ZDHHC23: variants seen among roughly 807,000 people sequenced by gnomAD.
ZDHHC23 encodes the protein palmitoyltransferase ZDHHC23.
A neutral mutation model predicts 40.2 loss-of-function variants in ZDHHC23; 41 were observed. The observed-to-expected ratio is 1.02, with a 90% confidence interval of 0.79 to 1.32. The LOEUF is 1.32. Among genes scored for constraint, ZDHHC23 ranks in the 40% most tolerant of loss-of-function variants. ZDHHC23 has a pLI of 0.00. For synonymous variants in ZDHHC23, 204 were observed against 210.2 expected (o/e 0.97, Z 0.26); for missense variants, 471 against 541.5 (o/e 0.87, Z 1.29).
At chr3:113,975,411 T>G in the ZDHHC23 span, among the ~76,000 whole-genome samples, 1 of 152,218 alleles carries the variant, frequency 6.6e-6, no homozygotes, top group Non-Finnish European at 1.5e-5. Context: ...GAATATCAAT[T>G]TTTTAATGTT....
the ZDHHC23 span, among the ~76,000 whole-genome samples, chr3:113,974,001 T>C: frequency 6.6e-6 from 1 of 151,842 alleles, no homozygotes; most frequent in South Asian, 2.1e-4. Context: ...TCTGATAGCA[T>C]ATTTTCAAGT....
intron 1 of ZDHHC23, 167 bp from the exon 2 acceptor site, chr3:113,948,519 A>C: frequency 2.9e-6 from 1 of 344,362 alleles, no homozygotes; most frequent in Non-Finnish European, 5.4e-6. Context: ...CTGTCGCCAT[A>C]GGAACGGCTG....
rs76844599 is a variant in ZDHHC23 at position 113,956,093 on chromosome 3, T to C, written c.873-246T>C. 7.2e-3 allele frequency among the ~76,000 whole-genome samples: 1,097 copies of C among 152,176 alleles called. 13 individuals carry two copies. The highest frequency in any genetic ancestry group is 0.026 in the African/African-American group (1,063 of 41,530). On this transcript the variant is annotated intron_variant, in intron 3 of 4. Coordinates refer to ENST00000638807, the MANE Select transcript of ZDHHC23 (RefSeq NM_001320466.2). Reference sequence around the variant, plus strand: ...CCCATCTCTACTCAAAATACACAAATTAGCTGGGCATGGTGGCATGTGCCT... The same window carrying C: ...CCCATCTCTACTCAAAATACACAAACTAGCTGGGCATGGTGGCATGTGCCT...
rs1004466445 is a variant in ZDHHC23, at chr3:113,960,317, C to G, written c.*1687C>G. ...TGGTTTGTTTAACGAATGATAGGCT[C>G]TGTGCCTGGGGATGTTAGCAGACTC... is the stretch of plus-strand genomic sequence containing the variant. On this transcript the variant is annotated 3_prime_UTR_variant, in exon 5 of 5. Coordinates refer to ENST00000638807, the MANE Select transcript of ZDHHC23 (RefSeq NM_001320466.2). 58 of 1,051,552 alleles carry G rather than the reference C, an allele frequency of 5.5e-5. No individual in the cohort carries two copies. The African/African-American group carries it at 7.6e-4, about 14-fold the overall frequency. The allele number at this position is 1,051,552 out of a possible 1,614,324, so 65.1% of individuals were successfully genotyped here.
downstream of ZDHHC23, among the ~76,000 whole-genome samples, chr3:113,969,649 G>A (rs557849206): frequency 1.3e-5 from 2 of 152,240 alleles, no homozygotes; most frequent in African/African-American, 4.8e-5. Context: ...TCAAAGATGA[G>A]TTGGTTGTAA....
At position 113,960,240 on chromosome 3, in the gene ZDHHC23, C is replaced by T; in HGVS notation, c.*1610C>T. ...ACTGTTGCCATTAATTGGAGCTGTC[C>T]TTAAGATGGTCACCATATTCTTATT... is the stretch of plus-strand genomic sequence containing the variant. On this transcript the variant is annotated 3_prime_UTR_variant, in exon 5 of 5. Transcript: ENST00000638807. 1 of 1,006,026 alleles carries T rather than the reference C, an allele frequency of 9.9e-7. No individual in the cohort carries two copies. The highest frequency in any genetic ancestry group is 1.2e-6 in the Non-Finnish European group (1 of 843,034). The allele number at this position is 1,006,026 out of a possible 1,614,324, so 62.3% of individuals were successfully genotyped here.
chr3:113,956,551 G>C (rs372171615), intron 4 of ZDHHC23, 45 bp downstream of exon 4: 144 of 1,561,322 alleles, frequency 9.2e-5, no homozygotes, highest in Middle Eastern at 5.1e-4. Flanking sequence ...GGGAAGTAAT[G>C]GGTGTTGCCA....
rs1323615359 is a variant in ZDHHC23 at position 113,960,471 on chromosome 3, G to A, written c.*1841G>A. On this transcript the variant is annotated 3_prime_UTR_variant, in exon 5 of 5. Coordinates refer to ENST00000638807, the MANE Select transcript of ZDHHC23 (RefSeq NM_001320466.2). ...ATAAGAGAGACAGTAATAATGTCAA[G>A]GATAGCCTGTGTGGGCAGAAATTGG... The A allele has an allele frequency of 7.2e-7, 1 of 1,391,668 alleles. No homozygotes were observed. Among genetic ancestry groups the A allele is most frequent in the Non-Finnish European group, 9.3e-7 (1 of 1,080,478 alleles). 86.2% of individuals were successfully genotyped at this position (1,391,668 alleles called of 1,614,324 possible). A position where few individuals can be genotyped will look rare whatever the true frequency, so the allele number is the denominator to read the frequency against.
downstream of ZDHHC23, among the ~76,000 whole-genome samples, chr3:113,970,206 T>C (rs558373020): frequency 3.9e-5 from 6 of 152,234 alleles, no homozygotes; most frequent in South Asian, 1.2e-3. Flanking sequence ...TTTTGTATGC[T>C]GCAACTTTAC....
the ZDHHC23 span, among the ~76,000 whole-genome samples, chr3:113,976,249 A>G: frequency 6.6e-6 from 1 of 151,856 alleles, no homozygotes; most frequent in Non-Finnish European, 1.5e-5. Context: ...ACAGAGTAAG[A>G]CTTTGTCTCA....
At position 113,959,623 on chromosome 3, in the gene ZDHHC23, C is replaced by T. The variant is rs1029831584; in HGVS notation, c.*993C>T. 9.3e-6 allele frequency: 11 copies of T among 1,184,832 alleles called. No homozygotes were observed. Among genetic ancestry groups the T allele is most frequent in the African/African-American group, 7.8e-5 (5 of 64,506 alleles). The allele number at this position is 1,184,832 out of a possible 1,614,324, so 73.4% of individuals were successfully genotyped here. A position where few individuals can be genotyped will look rare whatever the true frequency, so the allele number is the denominator to read the frequency against. On this transcript the variant is annotated 3_prime_UTR_variant, in exon 5 of 5. Coordinates refer to ENST00000638807, the MANE Select transcript of ZDHHC23 (RefSeq NM_001320466.2). The stretch of plus-strand genomic sequence containing the variant: ...CTGGTAGGAAGGCTGAGTAACATCA[C>T]GGGCTCGATTATTTTCTTCATGTAT...
At chr3:113,950,336 C>T (rs1938541875) in intron 2 of ZDHHC23, among the ~76,000 whole-genome samples, 1 of 152,226 alleles carries the variant, frequency 6.6e-6, no homozygotes, top group Non-Finnish European at 1.5e-5. Flanking sequence ...ACATCTATTG[C>T]TCACAGTTCT....
Position 113,954,127 on chromosome 3 carries a change from A to C in ZDHHC23, c.589A>C (p.Asn197His). Residue 197 changes from asparagine to histidine, a missense_variant, in exon 3 of 5, where the codon AAT becomes CAT. Physicochemically the swap from Asn to His is moderately conservative, Grantham distance 68 (BLOSUM62 1). This residue lies in a region of ZDHHC23 where 346 missense variants were observed against 399.8 expected (regional missense o/e 0.87). Transcript: ENST00000638807. ...RAKKNPGYLS[N>H]PASGDRSLSS... Reference sequence around the variant, plus strand: ...CAAGAAGAATCCAGGCTACCTCAGCAATCCAGCAAGCGGTGACAGATCTCT... The same window carrying C: ...CAAGAAGAATCCAGGCTACCTCAGCCATCCAGCAAGCGGTGACAGATCTCT... The C allele has an allele frequency of 6.2e-7, 1 of 1,614,232 alleles. No individual in the cohort carries two copies. The highest frequency in any genetic ancestry group is 8.5e-7 in the Non-Finnish European group (1 of 1,180,034).
chr3:113,967,973 C>T (rs755054561), downstream of ZDHHC23, among the ~76,000 whole-genome samples: 1 of 152,152 alleles, frequency 6.6e-6, no homozygotes, highest in Non-Finnish European at 1.5e-5. Context: ...GGATTTCATT[C>T]TTTTTCATTA....
chr3:113,959,260 A>G lies in ZDHHC23; in HGVS notation c.*630A>G. 1 of 1,084,032 alleles carries G rather than the reference A, an allele frequency of 9.2e-7. No individual in the cohort carries two copies. The highest frequency in any genetic ancestry group is 2.7e-5 in the South Asian group (1 of 37,076). The allele number at this position is 1,084,032 out of a possible 1,614,324, so 67.2% of individuals were successfully genotyped here. A position where few individuals can be genotyped will look rare whatever the true frequency, so the allele number is the denominator to read the frequency against. ...CAGTTTTCAGCATATACCTTGTTGT[A>G]CAGTTATGAGAATTTCTCCTTCTTA... On this transcript the variant is annotated 3_prime_UTR_variant, in exon 5 of 5. Transcript: ENST00000638807.
At position 113,959,619 on chromosome 3, in the gene ZDHHC23, A is replaced by G. The variant is rs1048669199; in HGVS notation, c.*989A>G. The G allele has an allele frequency of 1.6e-5, 19 of 1,188,236 alleles. No individual in the cohort carries two copies. Among genetic ancestry groups the G allele is most frequent in the Middle Eastern group, 2.3e-4 (1 of 4,316 alleles). The allele number at this position is 1,188,236 out of a possible 1,614,324, so 73.6% of individuals were successfully genotyped here. A position where few individuals can be genotyped will look rare whatever the true frequency, so the allele number is the denominator to read the frequency against. On this transcript the variant is annotated 3_prime_UTR_variant, in exon 5 of 5. Transcript: ENST00000638807. ...TTTTCTGGTAGGAAGGCTGAGTAACATCACGGGCTCGATTATTTTCTTCAT... is the reference window on the plus strand; with the variant it reads ...TTTTCTGGTAGGAAGGCTGAGTAACGTCACGGGCTCGATTATTTTCTTCAT...
At position 113,960,439 on chromosome 3, in the gene ZDHHC23, G is replaced by T; in HGVS notation, c.*1809G>T. 1 of 1,334,844 alleles carries T rather than the reference G, an allele frequency of 7.5e-7. No homozygotes were observed. The highest frequency in any genetic ancestry group is 9.5e-7 in the Non-Finnish European group (1 of 1,048,238). 82.7% of individuals were successfully genotyped at this position (1,334,844 alleles called of 1,614,324 possible). A position where few individuals can be genotyped will look rare whatever the true frequency, so the allele number is the denominator to read the frequency against. The stretch of plus-strand genomic sequence containing the variant: ...ATATAACAAATTTCTTTCTATACAG[G>T]TTTTACATAAGAGAGACAGTAATAA... On this transcript the variant is annotated 3_prime_UTR_variant, in exon 5 of 5. Coordinates refer to ENST00000638807, the MANE Select transcript of ZDHHC23 (RefSeq NM_001320466.2).
At chr3:113,952,227 C>T (rs185027097) in intron 2 of ZDHHC23, among the ~76,000 whole-genome samples, 2 of 152,306 alleles carry the variant, frequency 1.3e-5, no homozygotes, top group African/African-American at 2.4e-5. Flanking sequence ...GAGATTTCTA[C>T]TGCCAAATAT....
chr3:113,971,336 T>A, the ZDHHC23 span, among the ~76,000 whole-genome samples: 9 of 152,172 alleles, frequency 5.9e-5, no homozygotes, highest in East Asian at 1.9e-4. Context: ...GCATTTTTTC[T>A]TGTGTCTTTT....
Sources: allele counts gnomAD v4.1 joint callset (sites outside exome capture counted in the v4.1 genomes callset), GRCh38; gene constraint gnomAD v4.1.1; regional missense constraint gnomAD v4.1.1; transcripts MANE v1.5; gene names NCBI Gene and HGNC (gene_info 2026-07-23, HGNC 2026-07-21).